Variants in GPAT4 observed in about 807,000 individuals in gnomAD.
GPAT4 encodes the protein 1-AGP acyltransferase 6.
A neutral mutation model predicts 58.0 loss-of-function variants in GPAT4; 17 were observed. The observed-to-expected ratio is 0.29, with a 90% confidence interval of 0.20 to 0.44. The LOEUF is 0.44. GPAT4 is among the 20% of genes least tolerant of loss of function. GPAT4 has a pLI of 1.00. For missense variants in GPAT4, 377 were observed against 574.5 expected (o/e 0.66, Z 3.51); for synonymous variants, 204 against 210.1 (o/e 0.97, Z 0.25).
intron 1 of GPAT4, among the ~76,000 whole-genome samples, chr8:41,579,849 A>G (rs1449955996): frequency 6.6e-6 from 1 of 151,772 alleles, no homozygotes; most frequent in Non-Finnish European, 1.5e-5. Context: ...AAAAAAAAAG[A>G]AAAGAAAAAA....
rs1803735394 is a variant in GPAT4 at position 41,621,076 on chromosome 8, C to G, written c.*75C>G. On this transcript the variant is annotated 3_prime_UTR_variant, in exon 13 of 13. Transcript: ENST00000396987. ...GAGCTGGAGTTGCCGCCGCCGCCCC[C>G]ACTGCTGTGTCCTTTCCAGACTCCA... is the stretch of plus-strand genomic sequence containing the variant. 7.2e-6 allele frequency: 11 copies of G among 1,535,698 alleles called. No homozygotes were observed. The South Asian group carries it at 1.1e-4, about 15-fold the overall frequency.
intron 4 of GPAT4, chr8:41,610,371 C>T (rs746186297): frequency 1.0e-4 from 127 of 1,226,566 alleles, no homozygotes; most frequent in Non-Finnish European, 1.2e-4. Flanking sequence ...CAAGCTCCAC[C>T]TCCTGTTGCT....
chr8:41,586,160 T>C (rs1670644410), intron 1 of GPAT4, among the ~76,000 whole-genome samples: 1 of 152,298 alleles, frequency 6.6e-6, no homozygotes, highest in African/African-American at 2.4e-5. Flanking sequence ...CTATTTTGTA[T>C]AAGTGGAATC....
Position 41,621,234 on chromosome 8 carries a change from T to C in GPAT4, c.*233T>C, listed in dbSNP as rs1222882450. ...CTGGGTGTTGCGACCCAGGACGAGA[T>C]GCCTTGTTTCTTTTACAATAAGTCG... is the stretch of plus-strand genomic sequence containing the variant. On this transcript the variant is annotated 3_prime_UTR_variant, in exon 13 of 13. Transcript: ENST00000396987. 1.7e-6 allele frequency: 1 copy of C among 571,794 alleles called. No homozygotes were observed. The highest frequency in any genetic ancestry group is 1.9e-5 in the African/African-American group (1 of 53,282). The allele number at this position is 571,794 out of a possible 1,614,324, so 35.4% of individuals were successfully genotyped here. A position where few individuals can be genotyped will look rare whatever the true frequency, so the allele number is the denominator to read the frequency against.
chr8:41,579,199 C>T (rs2150476132), intron 1 of GPAT4, among the ~76,000 whole-genome samples: 1 of 152,294 alleles, frequency 6.6e-6, no homozygotes, highest in East Asian at 1.9e-4. Context: ...ATGTGCTTTT[C>T]TTTTCTTTTT....
intron 1 of GPAT4, among the ~76,000 whole-genome samples, chr8:41,583,703 G>A (rs1802583216): frequency 2.0e-5 from 3 of 152,150 alleles, no homozygotes; most frequent in African/African-American, 7.2e-5. Context: ...GAGAATCACT[G>A]TCAGTGGAAC....
chr8:41,613,943 T>G (rs531585194), intron 8 of GPAT4, among the ~76,000 whole-genome samples: 66 of 152,284 alleles, frequency 4.3e-4, no homozygotes, highest in Non-Finnish European at 7.5e-4. Context: ...AAAAGACAGT[T>G]GAGATTATCT....
rs554390560 is a variant in GPAT4, at chr8:41,621,200, C to T, written c.*199C>T. 8 of 713,260 alleles carry T rather than the reference C, an allele frequency of 1.1e-5. No individual in the cohort carries two copies. The highest frequency in any genetic ancestry group is 7.2e-5 in the African/African-American group (4 of 55,880). 44.2% of individuals were successfully genotyped at this position (713,260 alleles called of 1,614,324 possible). On this transcript the variant is annotated 3_prime_UTR_variant, in exon 13 of 13. Transcript: ENST00000396987. ...CGCAGCCTACCCTTGGTGGTCTAAA[C>T]GGATGCTGCTGGGTGTTGCGACCCA...
At chr8:41,610,529 A>G (rs1295455779) in intron 4 of GPAT4, 3 of 1,448,548 alleles carry the variant, frequency 2.1e-6, no homozygotes, top group Non-Finnish European at 2.7e-6. Context: ...GCTGAGAGCC[A>G]GACCCATGGC....
chr8:41,599,841 A>G (rs1485273662), intron 2 of GPAT4, among the ~76,000 whole-genome samples: 1 of 152,188 alleles, frequency 6.6e-6, no homozygotes, highest in Non-Finnish European at 1.5e-5. Context: ...TTGTAAGGAA[A>G]TAGGTGAGAA....
In GPAT4 at chr8:41,611,916, A is replaced by G. The variant is rs1394945153; in HGVS notation, c.625A>G (p.Met209Val). 1.2e-6 allele frequency: 2 copies of G among 1,614,218 alleles called. No individual in the cohort carries two copies. The highest frequency in any genetic ancestry group is 2.2e-5 in the East Asian group (1 of 44,890). ...CTGTTATTGCAGGTTTAAGGAGTTC[A>G]TGAGTAAACATGTTCACTTAATGTG... ...YLPNGRFKEF[M>V]SKHVHLMCYR... is the part of the protein sequence containing the mutation. The change falls in exon 6 of 13, where the codon ATG becomes GTG. Residue 209 changes from methionine (M) to valine (V), a missense_variant. Coordinates refer to ENST00000396987, the MANE Select transcript of GPAT4 (RefSeq NM_178819.4).
At chr8:41,618,462 T>C in intron 10 of GPAT4, 1 of 597,512 alleles carries the variant, frequency 1.7e-6, no homozygotes, top group Non-Finnish European at 3.0e-6. Context: ...GGAGCCTTCC[T>C]TACTGATCTG....
At chr8:41,595,599 G>A (rs1448302552) in intron 1 of GPAT4, among the ~76,000 whole-genome samples, 31 of 152,020 alleles carry the variant, frequency 2.0e-4, no homozygotes, top group Admixed American at 1.8e-3. Context: ...GTAGGGTCAC[G>A]GAGAAGACCT....
chr8:41,582,382 C>G (rs1393529801), intron 1 of GPAT4, among the ~76,000 whole-genome samples: 1 of 151,516 alleles, frequency 6.6e-6, no homozygotes, highest in Non-Finnish European at 1.5e-5. Context: ...GTCCTGGTTC[C>G]AGATCTAAGC....
At position 41,624,372 on chromosome 8, in the gene GPAT4, A is replaced by G. The variant is rs1450793926; in HGVS notation, c.*3371A>G. On this transcript the variant is annotated 3_prime_UTR_variant, in exon 13 of 13. Coordinates refer to ENST00000396987, the MANE Select transcript of GPAT4 (RefSeq NM_178819.4). ...CACGGCACAGCAAACAGTGGGCACT[A>G]ACCCTGTTGTCCTGTGGAAATCTGG... 6.6e-6 allele frequency: 1 copy of G among 152,212 alleles called. No individual in the cohort carries two copies. The highest frequency in any genetic ancestry group is 1.9e-4 in the East Asian group (1 of 5,198). 9.4% of individuals were successfully genotyped at this position (152,212 alleles called of 1,614,324 possible).
chr8:41,612,741 G>T, intron 7 of GPAT4, 104 bp from the exon 8 acceptor site: 1 of 991,562 alleles, frequency 1.0e-6, no homozygotes. Context: ...AGCGTTAGAA[G>T]TGAGAAGTTG....
chr8:41,579,068 T>C (rs1190602780), intron 1 of GPAT4, among the ~76,000 whole-genome samples: 2 of 152,248 alleles, frequency 1.3e-5, no homozygotes, highest in Non-Finnish European at 2.9e-5. Context: ...CTTAGTTTCA[T>C]GTCTTGTAGA....
intron 1 of GPAT4, among the ~76,000 whole-genome samples, chr8:41,593,164 G>C (rs1185961650): frequency 6.6e-6 from 1 of 151,988 alleles, no homozygotes; most frequent in East Asian, 1.9e-4. Flanking sequence ...TTTTTCTTCT[G>C]TTCTGGCTAA....
intron 2 of GPAT4, among the ~76,000 whole-genome samples, chr8:41,607,236 C>T (rs1803302309): frequency 6.6e-6 from 1 of 152,144 alleles, no homozygotes; most frequent in African/African-American, 2.4e-5. Context: ...CTCTTTTCCC[C>T]TGCCCTTGTG....
Sources: allele counts gnomAD v4.1 joint callset (sites outside exome capture counted in the v4.1 genomes callset), GRCh38; gene constraint gnomAD v4.1.1; transcripts MANE v1.5; gene names NCBI Gene and HGNC (gene_info 2026-07-23, HGNC 2026-07-21).